CDK5RAP2: variants seen among roughly 807,000 people sequenced by gnomAD.
The protein encoded by CDK5RAP2 is CDK5 regulatory subunit-associated protein 2.
Under a neutral mutation model 232.9 loss-of-function variants are expected in CDK5RAP2, and 147 were observed. The observed-to-expected ratio is 0.63, with a 90% CI of 0.55 to 0.72. The LOEUF is 0.72. Among genes scored for constraint, CDK5RAP2 ranks in the 30% least tolerant of loss-of-function variants. The probability of loss-of-function intolerance (pLI) is 0.00; values close to 1 mark genes in which losing one functional copy is unlikely to be tolerated. For missense variants in CDK5RAP2, 2,195 were observed against 2,231.5 expected (o/e 0.98, Z 0.33); for synonymous variants, 833 against 833.7 (o/e 1.00, Z 0.01).
At position 120,467,937 on chromosome 9, in the gene CDK5RAP2, T is replaced by G. The variant is rs1469274342; in HGVS notation, c.2029A>C (p.Thr677Pro). The G allele has an allele frequency of 5.0e-6, 8 of 1,614,128 alleles. No homozygotes were observed. Among genetic ancestry groups the G allele is most frequent in the Non-Finnish European group, 6.8e-6 (8 of 1,179,996 alleles). The change falls in exon 18 of 38, where the codon ACC (threonine) becomes CCC (proline). Residue 677 changes from threonine (T) to proline (P), a missense_variant. Thr to Pro is a conservative substitution (Grantham distance 38, BLOSUM62 -1). Coordinates refer to ENST00000349780, the MANE Select transcript of CDK5RAP2 (RefSeq NM_018249.6). Reference protein sequence around the residue: ...LYTDNQHLKKTIFDLSCMGFQ... With the variant: ...LYTDNQHLKKPIFDLSCMGFQ... ...CCCATGCAGGAGAGATCAAAAATGG[T>G]TTTCTTCAGGTGCTGGTTGTCTGTA...
intron 3 of CDK5RAP2, among the ~76,000 whole-genome samples, chr9:120,567,603 C>A (rs1353141048): frequency 1.3e-5 from 2 of 152,164 alleles, no homozygotes; most frequent in Non-Finnish European, 2.9e-5. Flanking sequence ...AACAAACCCC[C>A]TCTGCTAATA....
chr9:120,571,191 A>G (rs941287569), intron 2 of CDK5RAP2, among the ~76,000 whole-genome samples: 2 of 152,152 alleles, frequency 1.3e-5, no homozygotes, highest in Non-Finnish European at 2.9e-5. Flanking sequence ...AGTAAAAGTT[A>G]ATAGGTTCCT....
chr9:120,545,300 C>A (rs1479502634), intron 5 of CDK5RAP2, among the ~76,000 whole-genome samples: 1 of 152,110 alleles, frequency 6.6e-6, no homozygotes. Context: ...AGGAAAGAAG[C>A]CAGACACAAA....
At chr9:120,487,775 C>G (rs957750338) in intron 13 of CDK5RAP2, among the ~76,000 whole-genome samples, 2 of 152,228 alleles carry the variant, frequency 1.3e-5, no homozygotes, top group Non-Finnish European at 2.9e-5. Flanking sequence ...GGTTCCAAAC[C>G]TAGGTTCATC....
At chr9:120,440,478 T>C (rs562918728) in intron 23 of CDK5RAP2, 1 of 170,920 alleles carries the variant, frequency 5.9e-6, no homozygotes, top group East Asian at 1.5e-4. Context: ...TCCTACCTAA[T>C]GAACTCTTTC....
At chr9:120,556,937 C>T (rs1370522402) in intron 3 of CDK5RAP2, among the ~76,000 whole-genome samples, 1 of 152,138 alleles carries the variant, frequency 6.6e-6, no homozygotes, top group Non-Finnish European at 1.5e-5. Context: ...AAACAAAAAA[C>T]GACTACCCCG....
Position 120,471,792 on chromosome 9 carries a change from C to T in CDK5RAP2, c.1814G>A (p.Arg605Gln), listed in dbSNP as rs750049337. Reference sequence around the variant, plus strand: ...GCTGATCTGCTCCTCCAAGGTCTTCCGCAAATTCTGATATGAAAGCACATC... The same window carrying T: ...GCTGATCTGCTCCTCCAAGGTCTTCTGCAAATTCTGATATGAAAGCACATC... Reference protein sequence around the residue: ...EQDVLSYQNLRKTLEEQISEI... With the variant: ...EQDVLSYQNLQKTLEEQISEI... Residue 605 changes from arginine (R) to glutamine (Q), a missense_variant, in exon 16 of 38, where the codon CGG (arginine) becomes CAG (glutamine). Arg to Gln is a conservative substitution (Grantham distance 43, BLOSUM62 1). Coordinates refer to ENST00000349780, the MANE Select transcript of CDK5RAP2 (RefSeq NM_018249.6). 23 of 1,613,872 alleles carry T rather than the reference C, an allele frequency of 1.4e-5. No homozygotes were observed. The East Asian group carries it at 2.5e-4, about 17-fold the overall frequency.
At chr9:120,557,651 C>T (rs926622675) in intron 3 of CDK5RAP2, among the ~76,000 whole-genome samples, 1 of 151,928 alleles carries the variant, frequency 6.6e-6, no homozygotes, top group Non-Finnish European at 1.5e-5. Context: ...CCCAGCTACT[C>T]GAGTGGCTGA....
At chr9:120,554,510 G>A (rs982031060) in intron 3 of CDK5RAP2, among the ~76,000 whole-genome samples, 2 of 152,166 alleles carry the variant, frequency 1.3e-5, no homozygotes, top group Non-Finnish European at 2.9e-5. Flanking sequence ...ACCTAGACAT[G>A]CTACTTCTTT....
At chr9:120,483,990 CG>C (rs1691931787) in intron 14 of CDK5RAP2, among the ~76,000 whole-genome samples, 1 of 152,176 alleles carries the variant, frequency 6.6e-6, no homozygotes, top group South Asian at 2.1e-4. Context: ...AATTCAGCAG[CG>C]ATGTCCCAAC....
intron 3 of CDK5RAP2, among the ~76,000 whole-genome samples, chr9:120,560,057 G>A (rs968680423): frequency 2.0e-5 from 3 of 152,138 alleles, no homozygotes; most frequent in Admixed American, 2.0e-4. Context: ...ACAAGAACCT[G>A]GGCCTCCAAA....
chr9:120,492,853 TAGA>T (rs1044076057), intron 12 of CDK5RAP2, among the ~76,000 whole-genome samples: 10 of 152,282 alleles, frequency 6.6e-5, no homozygotes, highest in East Asian at 3.9e-4. Flanking sequence ...AATACAAACA[TAGA>T]AGAAGTTAAA....
chr9:120,472,649 T>G (rs1451426792), intron 15 of CDK5RAP2, among the ~76,000 whole-genome samples: 1 of 152,138 alleles, frequency 6.6e-6, no homozygotes, highest in East Asian at 1.9e-4. Flanking sequence ...ACGCATAGTA[T>G]GAGTGGATTT....
At position 120,520,415 on chromosome 9, in the gene CDK5RAP2, G is replaced by A. The variant is rs190883172; in HGVS notation, c.1093-1770C>T. ...CCAGCACTTTGGGAGGCTGAAGTGG[G>A]TGGATCACCTGAAGTCAGGAGTTCA... On this transcript the variant is annotated intron_variant, in intron 11 of 37. Coordinates refer to ENST00000349780, the MANE Select transcript of CDK5RAP2 (RefSeq NM_018249.6). 1.1e-3 allele frequency among the ~76,000 whole-genome samples: 164 copies of A among 152,314 alleles called. 2 individuals are homozygous for A. The highest frequency in any genetic ancestry group is 3.6e-3 in the African/African-American group (150 of 41,578).
intron 12 of CDK5RAP2, among the ~76,000 whole-genome samples, chr9:120,517,482 C>A (rs10984937): frequency 1.3e-5 from 2 of 152,072 alleles, no homozygotes; most frequent in East Asian, 1.9e-4. Context: ...AGACCCAGAC[C>A]CCAATCCTAC....
chr9:120,504,304 C>T (rs2039710032), intron 12 of CDK5RAP2, among the ~76,000 whole-genome samples: 1 of 152,082 alleles, frequency 6.6e-6, no homozygotes, highest in Non-Finnish European at 1.5e-5. Flanking sequence ...AAAGACTAGG[C>T]CTGGCTACAT....
At chr9:120,441,171 A>G (rs765624974) in intron 23 of CDK5RAP2, among the ~76,000 whole-genome samples, 18 of 152,204 alleles carry the variant, frequency 1.2e-4, no homozygotes, top group Non-Finnish European at 2.5e-4. Flanking sequence ...ACTGTGCCAC[A>G]CTGCTGGCTG....
chr9:120,413,830 A>AGGGAGGAG (rs1554731831), intron 28 of CDK5RAP2, among the ~76,000 whole-genome samples: 18 of 93,234 alleles, frequency 1.9e-4, no homozygotes, highest in East Asian at 1.6e-3. Context: ...GGGAGGAGGG[A>AGGGAGGAG]GGAGGGAGGA....
intron 30 of CDK5RAP2, 76 bp downstream of exon 30, chr9:120,409,051 G>C (rs1186210022): frequency 7.1e-7 from 1 of 1,412,074 alleles, no homozygotes; most frequent in South Asian, 1.1e-5. Context: ...AGGCCTGCGT[G>C]CTGATTCCAC....
Sources: allele counts gnomAD v4.1 joint callset (sites outside exome capture counted in the v4.1 genomes callset), GRCh38; gene constraint gnomAD v4.1.1; transcripts MANE v1.5; gene names NCBI Gene and HGNC (gene_info 2026-07-23, HGNC 2026-07-21).